Variants in TSHZ2 observed in about 807,000 individuals in gnomAD.
TSHZ2 encodes the protein teashirt zinc finger homeobox 2.
A neutral mutation model predicts 74.4 loss-of-function variants in TSHZ2; 21 were observed. The observed-to-expected ratio is 0.28, with a 90% CI of 0.20 to 0.41. The LOEUF (loss-of-function observed/expected upper bound fraction) is 0.41, where lower values mean the gene tolerates loss of function less well. TSHZ2 is among the 10% of genes least tolerant of loss of function. TSHZ2 has a pLI of 1.00. For synonymous variants in TSHZ2, 540 were observed against 515.3 expected (o/e 1.05, Z -0.65); for missense variants, 1,244 against 1,293.5 (o/e 0.96, Z 0.59).
chr20:53,155,733 T>C (rs1355680686), intron 1 of TSHZ2, among the ~76,000 whole-genome samples: 1 of 152,068 alleles, frequency 6.6e-6, no homozygotes, highest in African/African-American at 2.4e-5. Flanking sequence ...TACTAGGGAA[T>C]TTTGCACATT....
chr20:53,102,293 G>A (rs1230046890), intron 1 of TSHZ2, among the ~76,000 whole-genome samples: 1 of 152,002 alleles, frequency 6.6e-6, no homozygotes, highest in East Asian at 1.9e-4. Context: ...CAGGTACAGG[G>A]TCACTGTGTC....
chr20:52,989,595 C>A (rs1428560386), intron 1 of TSHZ2, among the ~76,000 whole-genome samples: 2 of 152,164 alleles, frequency 1.3e-5, no homozygotes, highest in Admixed American at 6.5e-5. Context: ...TACTTCCATG[C>A]ACTATTATGA....
chr20:53,160,758 A>AAC (rs1300727199), intron 1 of TSHZ2, among the ~76,000 whole-genome samples: 1 of 151,622 alleles, frequency 6.6e-6, no homozygotes, highest in Non-Finnish European at 1.5e-5. Context: ...AAAAAAAAAA[A>AAC]AAAAAGACAT....
Position 53,079,651 on chromosome 20 carries a change from A to T in TSHZ2, c.40+106318A>T, listed in dbSNP as rs1985471220. 4.6e-5 allele frequency among the ~76,000 whole-genome samples: 7 copies of T among 152,326 alleles called. No homozygotes were observed. In the South Asian group the frequency reaches 1.4e-3, roughly 32 times the overall value. On this transcript the variant is annotated intron_variant, in intron 1 of 2. Coordinates refer to ENST00000371497, the MANE Select transcript of TSHZ2 (RefSeq NM_173485.6). ...TGCCAATATGCCTAACGAAGTGAAT[A>T]TCAGCTGGCCCCACACTGGTAATAA...
chr20:53,185,266 G>C (rs550982863), intron 1 of TSHZ2: 1 of 1,012,118 alleles, frequency 9.9e-7, no homozygotes, highest in Admixed American at 5.3e-5. Context: ...ATAAAACCTC[G>C]TGGGTTCAAA....
At chr20:53,250,376 T>A (rs1026944377) in intron 1 of TSHZ2, among the ~76,000 whole-genome samples, 3 of 152,196 alleles carry the variant, frequency 2.0e-5, no homozygotes, top group African/African-American at 7.2e-5. Context: ...CATTATTCAC[T>A]CAGATCACCC....
In TSHZ2 at chr20:53,085,324, C is replaced by T. The variant is rs143400115; in HGVS notation, c.40+111991C>T. Among the ~76,000 whole-genome samples the T allele has an allele frequency of 4.2e-3, 645 of 152,142 alleles. 5 individuals are homozygous for T. The highest frequency in any genetic ancestry group is 0.015 in the African/African-American group (615 of 41,494). ...AGGTCGCAGTGAGCCAAGATCGCGC[C>T]ACTGAACTCCAGCCTGGGCAACACA... On this transcript the variant is annotated intron_variant, in intron 1 of 2. Transcript: ENST00000371497.
intron 2 of TSHZ2, among the ~76,000 whole-genome samples, chr20:53,277,298 C>T (rs1568848612): frequency 6.6e-6 from 1 of 152,148 alleles, no homozygotes; most frequent in African/African-American, 2.4e-5. Context: ...TTGTGTTTAT[C>T]AAAATCTTTT....
At chr20:53,338,557 T>A (rs1980049618) in intron 2 of TSHZ2, among the ~76,000 whole-genome samples, 1 of 152,190 alleles carries the variant, frequency 6.6e-6, no homozygotes, top group South Asian at 2.1e-4. Flanking sequence ...CAGTTGACAA[T>A]GCCTAGAGAC....
At chr20:53,115,500 C>G (rs1434077704) in intron 1 of TSHZ2, among the ~76,000 whole-genome samples, 5 of 152,208 alleles carry the variant, frequency 3.3e-5, no homozygotes, top group African/African-American at 1.2e-4. Context: ...GATTGTGAGG[C>G]CTTCCCAGCC....
chr20:53,109,141 T>A (rs947413174), intron 1 of TSHZ2, among the ~76,000 whole-genome samples: 5 of 152,186 alleles, frequency 3.3e-5, no homozygotes, highest in African/African-American at 1.2e-4. Flanking sequence ...GACAAATAAC[T>A]GAAATACAAA....
intron 2 of TSHZ2, among the ~76,000 whole-genome samples, chr20:53,393,255 T>C (rs947780772): frequency 6.6e-6 from 1 of 152,234 alleles, no homozygotes; most frequent in Non-Finnish European, 1.5e-5. Flanking sequence ...AGTGAGAACA[T>C]GCAGTATTTG....
intron 2 of TSHZ2, chr20:53,421,683 T>TTTG (rs1983474704): frequency 2.1e-5 from 1 of 47,820 alleles, no homozygotes; most frequent in Admixed American, 1.9e-4. Context: ...TGTTTTTGGT[T>TTTG]TTTTTTTTTT....
chr20:53,063,717 T>C (rs1984890346), intron 1 of TSHZ2, among the ~76,000 whole-genome samples: 1 of 152,218 alleles, frequency 6.6e-6, no homozygotes, highest in Admixed American at 6.5e-5. Flanking sequence ...GTACTCAACT[T>C]GAGCACAAAA....
chr20:53,029,759 C>T (rs6013607), intron 1 of TSHZ2, among the ~76,000 whole-genome samples: 3 of 152,130 alleles, frequency 2.0e-5, no homozygotes, highest in African/African-American at 4.8e-5. Flanking sequence ...GGTGAACAAG[C>T]AAGTTGCAAA....
intron 1 of TSHZ2, among the ~76,000 whole-genome samples, chr20:53,114,439 G>A (rs191934236): frequency 1.2e-3 from 179 of 148,944 alleles, no homozygotes; most frequent in African/African-American, 4.3e-3. Context: ...CCCACCTCAC[G>A]ATATGTCATG....
At chr20:53,234,406 G>C (rs1989893297) in intron 1 of TSHZ2, among the ~76,000 whole-genome samples, 1 of 152,134 alleles carries the variant, frequency 6.6e-6, no homozygotes, top group Non-Finnish European at 1.5e-5. Context: ...TCAAGCCAAA[G>C]AGACAAAGAT....
chr20:53,015,735 A>G (rs1454493990), intron 1 of TSHZ2, among the ~76,000 whole-genome samples: 2 of 152,306 alleles, frequency 1.3e-5, no homozygotes, highest in East Asian at 3.9e-4. Context: ...CCACACCATT[A>G]GACATTCTCT....
chr20:53,212,147 T>C (rs1989324622), intron 1 of TSHZ2, among the ~76,000 whole-genome samples: 1 of 152,232 alleles, frequency 6.6e-6, no homozygotes, highest in African/African-American at 2.4e-5. Context: ...CTAATGAAGT[T>C]GTCATCTTGG....
Sources: gnomAD v4.1 joint callset for allele counts (sites outside exome capture counted in the v4.1 genomes callset) on GRCh38, gnomAD v4.1.1 for gene constraint, MANE v1.5 for transcripts, NCBI Gene and HGNC (gene_info 2026-07-23, HGNC 2026-07-21) for gene names.